The following CNTN4 variants were observed in gnomAD, a reference collection of about 807,000 sequenced individuals.
CNTN4 encodes contactin-4.
Under a neutral mutation model 122.5 loss-of-function variants are expected in CNTN4, and 77 were observed. That is an observed-to-expected ratio of 0.63 (90% confidence interval 0.52 to 0.76). The LOEUF is 0.76. Ranked by LOEUF, CNTN4 falls within the 30% of genes least tolerant of loss-of-function variation. The probability of loss-of-function intolerance (pLI) is 0.00; values close to 1 mark genes in which losing one functional copy is unlikely to be tolerated. For synonymous variants in CNTN4, 512 were observed against 447.0 expected (o/e 1.15, Z -1.83); for missense variants, 1,256 against 1,259.1 (o/e 1.00, Z 0.04).
At chr3:2,787,849 G>T (rs1042968115) in intron 6 of CNTN4, among the ~76,000 whole-genome samples, 3 of 150,946 alleles carry the variant, frequency 2.0e-5, no homozygotes, top group Non-Finnish European at 4.4e-5. Context: ...GAGTGCAGTG[G>T]TGCGATCTTG....
intron 2 of CNTN4, among the ~76,000 whole-genome samples, chr3:2,178,225 A>G (rs2036842233): frequency 6.6e-6 from 1 of 152,044 alleles, no homozygotes; most frequent in Non-Finnish European, 1.5e-5. Context: ...TATGTCTTTG[A>G]ATTAATATAT....
intron 3 of CNTN4, among the ~76,000 whole-genome samples, chr3:2,540,457 C>A (rs1238805496): frequency 1.3e-5 from 2 of 152,000 alleles, no homozygotes; most frequent in East Asian, 1.9e-4. Context: ...GAAGAGCACA[C>A]AGGAGAAAAG....
At chr3:2,358,172 AT>A (rs1055433959) in intron 3 of CNTN4, among the ~76,000 whole-genome samples, 10 of 152,122 alleles carry the variant, frequency 6.6e-5, no homozygotes, top group African/African-American at 2.4e-4. Flanking sequence ...AGGATACAAT[AT>A]TTCTATCTAT....
intron 6 of CNTN4, among the ~76,000 whole-genome samples, chr3:2,760,955 C>A (rs536410242): frequency 6.6e-6 from 1 of 152,236 alleles, no homozygotes; most frequent in South Asian, 2.1e-4. Context: ...CAATCTAAAT[C>A]CATAGAGAAG....
Position 2,826,224 on chromosome 3 carries a change from G to A in CNTN4, c.454+6643G>A, listed in dbSNP as rs184854349. Reference sequence around the variant, plus strand: ...AGTGGTTCTTTGGCGCTCACCCCAGGTCAATTAAATCTGAGTTTCTTGATG... The same window carrying A: ...AGTGGTTCTTTGGCGCTCACCCCAGATCAATTAAATCTGAGTTTCTTGATG... On this transcript the variant is annotated intron_variant, in intron 7 of 24. Coordinates refer to ENST00000418658, the MANE Select transcript of CNTN4 (RefSeq NM_175607.3). Among the ~76,000 whole-genome samples, 3 of 152,180 alleles carry A rather than the reference G, an allele frequency of 2.0e-5. No homozygotes were observed. The East Asian group carries it at 5.8e-4, about 29-fold the overall frequency.
chr3:2,203,879 A>G (rs760605043), intron 2 of CNTN4, among the ~76,000 whole-genome samples: 29 of 152,272 alleles, frequency 1.9e-4, no homozygotes, highest in Non-Finnish European at 2.8e-4. Context: ...CTGTTTATAC[A>G]GATGAGAAAT....
chr3:2,111,222 G>C (rs545594185), intron 2 of CNTN4, among the ~76,000 whole-genome samples: 1 of 152,112 alleles, frequency 6.6e-6, no homozygotes, highest in Non-Finnish European at 1.5e-5. Flanking sequence ...CGCACTGTGA[G>C]TTCATTGAGA....
At chr3:2,518,190 G>A (rs2149121371) in intron 3 of CNTN4, among the ~76,000 whole-genome samples, 1 of 152,018 alleles carries the variant, frequency 6.6e-6, no homozygotes, top group Non-Finnish European at 1.5e-5. Flanking sequence ...AAATTATTAG[G>A]AGGAAAACAG....
At position 2,274,148 on chromosome 3, in the gene CNTN4, C is replaced by T. The variant is rs191636120; in HGVS notation, c.-144-65030C>T. Among the ~76,000 whole-genome samples, 135 of 152,108 alleles carry T rather than the reference C, an allele frequency of 8.9e-4. 1 individual carries two copies. Among genetic ancestry groups the T allele is most frequent in the African/African-American group, 3.1e-3 (130 of 41,484 alleles). On this transcript the variant is annotated intron_variant, in intron 2 of 24. Transcript: ENST00000418658. ...TTGTAATCCCAGCACTTTGCGAGGC[C>T]GAGGCAGACAAATCACTTGAGCTCA...
intron 3 of CNTN4, among the ~76,000 whole-genome samples, chr3:2,435,753 G>T (rs1272115644): frequency 6.6e-6 from 1 of 152,154 alleles, no homozygotes; most frequent in Non-Finnish European, 1.5e-5. Flanking sequence ...AAGGCTGGTA[G>T]GTTATTTAAA....
intron 6 of CNTN4, among the ~76,000 whole-genome samples, chr3:2,765,853 G>C (rs921115856): frequency 6.6e-6 from 1 of 152,158 alleles, no homozygotes; most frequent in African/African-American, 2.4e-5. Flanking sequence ...TTTAGTGACT[G>C]TTTCTTCAAT....
chr3:2,772,082 G>T (rs2149779809), intron 6 of CNTN4, among the ~76,000 whole-genome samples: 1 of 152,266 alleles, frequency 6.6e-6, no homozygotes, highest in East Asian at 1.9e-4. Flanking sequence ...GGGAGATGAT[G>T]GAGGACCTTG....
intron 4 of CNTN4, among the ~76,000 whole-genome samples, chr3:2,676,194 C>T (rs553776951): frequency 1.3e-5 from 2 of 152,040 alleles, no homozygotes; most frequent in African/African-American, 4.8e-5. Flanking sequence ...CCAGTGAATA[C>T]AGCTGAAGAT....
intron 7 of CNTN4, among the ~76,000 whole-genome samples, chr3:2,830,482 T>C (rs972999457): frequency 6.6e-6 from 1 of 152,176 alleles, no homozygotes; most frequent in Non-Finnish European, 1.5e-5. Context: ...GCAGAGCTTT[T>C]TCTTTTGGAG....
intron 2 of CNTN4, among the ~76,000 whole-genome samples, chr3:2,274,265 C>G (rs1024307653): frequency 1.3e-5 from 2 of 152,116 alleles, no homozygotes; most frequent in East Asian, 3.9e-4. Flanking sequence ...TGCGTGTAAT[C>G]TCAGCTACTC....
At chr3:2,422,086 G>T (rs189822954) in intron 3 of CNTN4, among the ~76,000 whole-genome samples, 3 of 152,270 alleles carry the variant, frequency 2.0e-5, no homozygotes, top group Admixed American at 6.5e-5. Context: ...AAAATAAAAA[G>T]GCAGCACAAG....
intron 7 of CNTN4, among the ~76,000 whole-genome samples, chr3:2,823,137 G>T (rs79953288): frequency 6.6e-6 from 1 of 152,128 alleles, no homozygotes; most frequent in Non-Finnish European, 1.5e-5. Flanking sequence ...CTGTTTTTCC[G>T]GGCTGTGTGT....
chr3:2,782,170 G>A (rs1278345166), intron 6 of CNTN4, among the ~76,000 whole-genome samples: 1 of 151,904 alleles, frequency 6.6e-6, no homozygotes, highest in Non-Finnish European at 1.5e-5. Context: ...TGTTAATGGC[G>A]GAGAGGTATA....
At chr3:2,752,271 C>T (rs2090132219) in intron 6 of CNTN4, among the ~76,000 whole-genome samples, 1 of 152,212 alleles carries the variant, frequency 6.6e-6, no homozygotes. Context: ...TTAGCATACG[C>T]ATCACCTCAT....
Sources: allele counts gnomAD v4.1 joint callset (sites outside exome capture counted in the v4.1 genomes callset), GRCh38; gene constraint gnomAD v4.1.1; transcripts MANE v1.5; gene names NCBI Gene and HGNC (gene_info 2026-07-23, HGNC 2026-07-21).